TNKS: variants seen among roughly 807,000 people sequenced by gnomAD.
TNKS encodes the protein tankyrase.
TNKS carries 72 observed loss-of-function variants against 135.8 expected under a neutral mutation model. The observed-to-expected ratio is 0.53, with a 90% CI of 0.44 to 0.64. The LOEUF is 0.64. Ranked by LOEUF, TNKS falls within the 30% of genes least tolerant of loss-of-function variation. TNKS has a pLI of 0.00. For missense variants in TNKS, 1,769 were observed against 1,674.0 expected (o/e 1.06, Z -0.99); for synonymous variants, 849 against 649.3 (o/e 1.31, Z -4.68).
At chr8:9,606,700 G>A (rs1229354654) in intron 2 of TNKS, among the ~76,000 whole-genome samples, 3 of 151,566 alleles carry the variant, frequency 2.0e-5, no homozygotes, top group Non-Finnish European at 2.9e-5. Flanking sequence ...GATTTTTAGT[G>A]TTTTTTCTTG....
chr8:9,679,568 T>C (rs963621529), intron 3 of TNKS, among the ~76,000 whole-genome samples: 1 of 152,222 alleles, frequency 6.6e-6, no homozygotes, highest in East Asian at 1.9e-4. Context: ...ATTATTTTGC[T>C]TTTGTCTCAG....
chr8:9,689,554 A>C (rs1585330876), intron 5 of TNKS, among the ~76,000 whole-genome samples: 1 of 152,316 alleles, frequency 6.6e-6, no homozygotes, highest in East Asian at 1.9e-4. Context: ...AATATTATAA[A>C]AATGCTCCAT....
At chr8:9,770,050 T>C in intron 25 of TNKS, 56 bp from the exon 26 acceptor site, 4 of 1,499,100 alleles carry the variant, frequency 2.7e-6, no homozygotes, top group Middle Eastern at 1.8e-4. Context: ...CTAGCAGTTA[T>C]ATTATTGTAA....
chr8:9,666,402 A>G (rs1323717103), intron 3 of TNKS, among the ~76,000 whole-genome samples: 2 of 152,222 alleles, frequency 1.3e-5, no homozygotes, highest in Admixed American at 1.3e-4. Flanking sequence ...GCAAAGGAAA[A>G]GAGAGAAATA....
At chr8:9,578,359 T>C (rs889347498) in intron 1 of TNKS, among the ~76,000 whole-genome samples, 6 of 152,192 alleles carry the variant, frequency 3.9e-5, no homozygotes, top group African/African-American at 1.4e-4. Context: ...TCTGCAGGTA[T>C]TTAAAAAACA....
intron 17 of TNKS, 31 bp downstream of exon 17, chr8:9,735,517 C>A: frequency 6.3e-7 from 1 of 1,578,780 alleles, no homozygotes. Context: ...ATCTAGAAAA[C>A]TGACCGCACG....
rs868437940 is a variant in TNKS, at chr8:9,648,662, T to A, written c.995-31289T>A. On this transcript the variant is annotated intron_variant, in intron 3 of 26. Transcript: ENST00000310430. The stretch of plus-strand genomic sequence containing the variant: ...CCAGCATCACTACAAACGTGAGTAA[T>A]GCTCCCACTGTGACATTACTAGGTG... Among the ~76,000 whole-genome samples, 9 of 152,320 alleles carry A rather than the reference T, an allele frequency of 5.9e-5. No individual in the cohort carries two copies. The South Asian group carries it at 8.3e-4, about 14-fold the overall frequency.
At chr8:9,654,645 T>C (rs1801277917) in intron 3 of TNKS, among the ~76,000 whole-genome samples, 1 of 152,246 alleles carries the variant, frequency 6.6e-6, no homozygotes, top group Non-Finnish European at 1.5e-5. Context: ...TATTTGTTGC[T>C]TTGCAAGCTG....
At chr8:9,689,386 C>T (rs1803156979) in intron 5 of TNKS, among the ~76,000 whole-genome samples, 1 of 152,070 alleles carries the variant, frequency 6.6e-6, no homozygotes, top group Non-Finnish European at 1.5e-5. Flanking sequence ...TTCAAGAAAG[C>T]ACTGTAAATA....
At chr8:9,617,002 C>T (rs1423998753) in intron 3 of TNKS, among the ~76,000 whole-genome samples, 1 of 152,132 alleles carries the variant, frequency 6.6e-6, no homozygotes, top group African/African-American at 2.4e-5. Flanking sequence ...AAATGCTGAG[C>T]AAGACTCTTT....
intron 3 of TNKS, among the ~76,000 whole-genome samples, chr8:9,650,420 T>C (rs575711694): frequency 5.9e-4 from 90 of 152,314 alleles, no homozygotes; most frequent in African/African-American, 1.9e-3. Context: ...GTTTTACTAG[T>C]TTGCATTCCC....
In TNKS at chr8:9,748,111, G is replaced by A. The variant is rs1172532626; in HGVS notation, c.2731G>A (p.Ala911Thr). The A allele has an allele frequency of 6.2e-7, 1 of 1,614,038 alleles. No individual in the cohort carries two copies. The highest frequency in any genetic ancestry group is 8.5e-7 in the Non-Finnish European group (1 of 1,179,990). ...GGCGTTTACTCCCCTCCATGAAGCAGCCCAGAAAGGAAGGACGCAGCTGTG... is the reference window on the plus strand; with the variant it reads ...GGCGTTTACTCCCCTCCATGAAGCAACCCAGAAAGGAAGGACGCAGCTGTG... ...KWAFTPLHEAAQKGRTQLCAL... is the reference protein window; with the variant it reads ...KWAFTPLHEATQKGRTQLCAL... The change falls in exon 18 of 27, where the codon GCC becomes ACC. Residue 911 changes from alanine (A) to threonine (T), a missense_variant. Ala to Thr is a moderately conservative substitution (Grantham distance 58, BLOSUM62 0). Coordinates refer to ENST00000310430, the MANE Select transcript of TNKS (RefSeq NM_003747.3).
At chr8:9,629,697 T>C (rs1218721647) in intron 3 of TNKS, among the ~76,000 whole-genome samples, 1 of 152,268 alleles carries the variant, frequency 6.6e-6, no homozygotes, top group South Asian at 2.1e-4. Flanking sequence ...CTTGTTTGTT[T>C]TTTGAGACGA....
In TNKS at chr8:9,776,759, A is replaced by G. The variant is rs774288383; in HGVS notation, c.*23A>G. 1.9e-6 allele frequency: 3 copies of G among 1,607,658 alleles called. No individual in the cohort carries two copies. The highest frequency in any genetic ancestry group is 2.7e-5 in the African/African-American group (2 of 74,798). On this transcript the variant is annotated 3_prime_UTR_variant, in exon 27 of 27. Coordinates refer to ENST00000310430, the MANE Select transcript of TNKS (RefSeq NM_003747.3). ...TAGTGAATGCCTGCTGGTGAAGGCCAGATCAGATTTCAACCTGGGACTGGA... is the reference window on the plus strand; with the variant it reads ...TAGTGAATGCCTGCTGGTGAAGGCCGGATCAGATTTCAACCTGGGACTGGA...
intron 1 of TNKS, among the ~76,000 whole-genome samples, chr8:9,567,149 G>T (rs888731424): frequency 2.6e-5 from 4 of 152,206 alleles, no homozygotes; most frequent in African/African-American, 9.7e-5. Flanking sequence ...GGAAAGTACA[G>T]TAAAAAGTAG....
At chr8:9,615,071 A>G (rs1799589487) in intron 2 of TNKS, among the ~76,000 whole-genome samples, 2 of 152,158 alleles carry the variant, frequency 1.3e-5, no homozygotes, top group African/African-American at 4.8e-5. Flanking sequence ...TGTCTGTTAA[A>G]CTTCTTGGAA....
Position 9,708,207 on chromosome 8 carries a change from A to G in TNKS, c.1457-164A>G, listed in dbSNP as rs1018381440. 3.3e-5 allele frequency among the ~76,000 whole-genome samples: 5 copies of G among 152,308 alleles called. No individual in the cohort carries two copies. The South Asian group carries it at 6.2e-4, about 19-fold the overall frequency. On this transcript the variant is annotated intron_variant, in intron 8 of 26. Transcript: ENST00000310430. ...GAGCATACATACTTCACATTAATCT[A>G]CATCCTCATCTTTTGCATTTTTATC...
intron 3 of TNKS, among the ~76,000 whole-genome samples, chr8:9,661,236 T>C (rs1443502396): frequency 6.6e-6 from 1 of 152,056 alleles, no homozygotes; most frequent in Non-Finnish European, 1.5e-5. Context: ...ACAACTACTT[T>C]AAAGTTCATA....
At chr8:9,631,837 T>C (rs1489221871) in intron 3 of TNKS, among the ~76,000 whole-genome samples, 1 of 152,028 alleles carries the variant, frequency 6.6e-6, no homozygotes, top group Non-Finnish European at 1.5e-5. Context: ...AATGCAGATA[T>C]AGCTAAGAAA....
Sources: allele counts gnomAD v4.1 joint callset (sites outside exome capture counted in the v4.1 genomes callset), GRCh38; gene constraint gnomAD v4.1.1; transcripts MANE v1.5; gene names NCBI Gene and HGNC (gene_info 2026-07-23, HGNC 2026-07-21).